Variants in SPATC1 observed in about 807,000 individuals in gnomAD.
SPATC1 encodes the protein spermatogenesis and centriole associated 1.
Under a neutral mutation model 36.5 loss-of-function variants are expected in SPATC1, and 35 were observed. The observed-to-expected ratio is 0.96, with a 90% CI of 0.73 to 1.27. The LOEUF is 1.27. SPATC1 is among the 50% of genes most tolerant of loss of function. The probability of loss-of-function intolerance (pLI) is 0.00; values close to 1 mark genes in which losing one functional copy is unlikely to be tolerated. For missense variants in SPATC1, 779 were observed against 796.0 expected (o/e 0.98, Z 0.26); for synonymous variants, 361 against 353.6 (o/e 1.02, Z -0.24).
intron 1 of SPATC1, among the ~76,000 whole-genome samples, chr8:144,020,093 C>T (rs1031608308): frequency 3.3e-5 from 5 of 151,148 alleles, no homozygotes; most frequent in Non-Finnish European, 5.9e-5. Flanking sequence ...CGTCAATACC[C>T]CACAAGACTC....
intron 1 of SPATC1, among the ~76,000 whole-genome samples, chr8:144,028,274 A>G (rs1022052611): frequency 5.9e-5 from 9 of 152,288 alleles, no homozygotes; most frequent in African/African-American, 2.2e-4. Flanking sequence ...CAGACAACCT[A>G]TAGAATGGGA....
chr8:144,041,873 C>A, intron 4 of SPATC1: 1 of 830,824 alleles, frequency 1.2e-6, no homozygotes, highest in Non-Finnish European at 1.5e-6. Flanking sequence ...CTGTGTGTAG[C>A]CTAAGCGGGA....
At chr8:144,036,780 A>G (rs1394176086) in intron 1 of SPATC1, among the ~76,000 whole-genome samples, 3 of 152,114 alleles carry the variant, frequency 2.0e-5, no homozygotes, top group Non-Finnish European at 4.4e-5. Flanking sequence ...ATTTCCAGGA[A>G]AAAAATCAAT....
chr8:144,046,043 C>T lies in SPATC1; in HGVS notation c.1447-584C>T, dbSNP rs142133557. On this transcript the variant is annotated intron_variant, in intron 4 of 4. Transcript: ENST00000377470. The surrounding 1 kb of genome is among the most constrained non-coding windows in gnomAD (Gnocchi z 6.6). ...AGGCCCAGGAGGACGCAGATGGAGACAGGCCCCTCAGCGCTGGGGCCAACA... is the reference window on the plus strand; with the variant it reads ...AGGCCCAGGAGGACGCAGATGGAGATAGGCCCCTCAGCGCTGGGGCCAACA... Among the ~76,000 whole-genome samples, 6 of 152,296 alleles carry T rather than the reference C, an allele frequency of 3.9e-5. No homozygotes were observed. The highest frequency in any genetic ancestry group is 1.9e-4 in the East Asian group (1 of 5,178).
rs1834303014 is a variant in SPATC1, at chr8:144,012,693, GCAA to G, written c.181_183del (p.Thr61del). 1 of 1,551,570 alleles carries G rather than the reference GCAA, an allele frequency of 6.4e-7. No individual in the cohort carries two copies. Among genetic ancestry groups the G allele is most frequent in the South Asian group, 1.2e-5 (1 of 84,066 alleles). On this transcript the variant is annotated inframe_deletion, in exon 1 of 5. Coordinates refer to ENST00000377470, the MANE Select transcript of SPATC1 (RefSeq NM_198572.3). ...CGGGTTCACGAGTGGGCTTGGTGAG[GCAA>G]CAGCAGGCCTTTCCTCACGCCAGAA...
At chr8:144,027,174 A>G (rs1424891255) in intron 1 of SPATC1, among the ~76,000 whole-genome samples, 1 of 151,744 alleles carries the variant, frequency 6.6e-6, no homozygotes, top group East Asian at 1.9e-4. Flanking sequence ...AGGTCTCACT[A>G]TGTTGCCCAG....
At chr8:144,041,760 G>A (rs1835108018) in intron 4 of SPATC1, among the ~76,000 whole-genome samples, 3 of 152,302 alleles carry the variant, frequency 2.0e-5, no homozygotes, top group East Asian at 1.9e-4. Context: ...CAGGGAGGGC[G>A]GCTGCATCCC....
At chr8:144,012,818 G>A (rs1587481137) in intron 1 of SPATC1, 92 bp downstream of exon 1, 1 of 1,345,336 alleles carries the variant, frequency 7.4e-7, no homozygotes, top group Non-Finnish European at 1.0e-6. Flanking sequence ...AGGAGGTCAT[G>A]GAGGGAGTGC....
intron 1 of SPATC1, among the ~76,000 whole-genome samples, chr8:144,021,288 C>CT (rs1587493775): frequency 5.4e-5 from 8 of 147,798 alleles, no homozygotes; most frequent in Admixed American, 6.7e-5. Flanking sequence ...TCAGGTCCCT[C>CT]TCCCCTCAGG....
Position 144,045,983 on chromosome 8 carries a change from A to C in SPATC1, c.1447-644A>C, listed in dbSNP as rs1161611314. On this transcript the variant is annotated intron_variant, in intron 4 of 4. Transcript: ENST00000377470. The surrounding 1 kb of genome is among the most constrained non-coding windows in gnomAD (Gnocchi z 5.2). ...TGAGGAAGTGAGTGGAAACTGACCC[A>C]GATGTGCTGGTTCCCAGGCCCTGGC... Among the ~76,000 whole-genome samples the C allele has an allele frequency of 3.9e-5, 6 of 152,170 alleles. No homozygotes were observed. The highest frequency in any genetic ancestry group is 1.4e-4 in the African/African-American group (6 of 41,442).
intron 1 of SPATC1, among the ~76,000 whole-genome samples, chr8:144,019,041 C>CAAAAAAA (rs1212175839): frequency 1.8e-5 from 1 of 56,368 alleles, no homozygotes; most frequent in Non-Finnish European, 3.7e-5. Flanking sequence ...GACTCCGTCT[C>CAAAAAAA]AAAAAAAAAA....
intron 1 of SPATC1, among the ~76,000 whole-genome samples, chr8:144,036,804 G>C (rs1198932592): frequency 6.6e-6 from 1 of 151,926 alleles, no homozygotes; most frequent in Non-Finnish European, 1.5e-5. Context: ...CAAGACTTAC[G>C]TAATAGGGTG....
intron 4 of SPATC1, among the ~76,000 whole-genome samples, chr8:144,043,432 C>G (rs1477957067): frequency 6.6e-6 from 1 of 152,156 alleles, no homozygotes; most frequent in Non-Finnish European, 1.5e-5. Flanking sequence ...CAGGCACACA[C>G]CACCAGGCCC....
rs1288521388 is a variant in SPATC1 at position 144,040,125 on chromosome 8, G to A, written c.428G>A (p.Ser143Asn). 2 of 1,609,794 alleles carry A rather than the reference G, an allele frequency of 1.2e-6. No individual in the cohort carries two copies. Among genetic ancestry groups the A allele is most frequent in the African/African-American group, 2.7e-5 (2 of 74,834 alleles). ...QSSPLTSFLT[S>N]PIAGPLTGTL... ...AGCCCCCTCACCAGCTTCCTGACCAGTCCCATTGCGGGACCCCTAACAGGC... is the reference window on the plus strand; with the variant it reads ...AGCCCCCTCACCAGCTTCCTGACCAATCCCATTGCGGGACCCCTAACAGGC... The change falls in exon 2 of 5, where the codon AGT (serine) becomes AAT (asparagine). Residue 143 changes from serine (S) to asparagine (N), a missense_variant. Coordinates refer to ENST00000377470, the MANE Select transcript of SPATC1 (RefSeq NM_198572.3).
At chr8:144,039,367 G>A (rs782335648) in intron 1 of SPATC1, among the ~76,000 whole-genome samples, 2 of 152,236 alleles carry the variant, frequency 1.3e-5, no homozygotes, top group African/African-American at 2.4e-5. Flanking sequence ...AAGCCCCACA[G>A]GGCAGGGACC....
intron 1 of SPATC1, among the ~76,000 whole-genome samples, chr8:144,035,828 T>C (rs1206655228): frequency 2.0e-5 from 3 of 152,234 alleles, no homozygotes; most frequent in African/African-American, 7.2e-5. Context: ...CAGTGGCCCC[T>C]GACTGCCTCT....
chr8:144,023,645 TTCTTCCCTC>T (rs1834600731), intron 1 of SPATC1, among the ~76,000 whole-genome samples: 2 of 38,196 alleles, frequency 5.2e-5, no homozygotes, highest in Non-Finnish European at 1.0e-4. Context: ...CCTGAGGAAC[TTCTTCCCTC>T]AGGACCCTCT....
At chr8:144,015,635 G>A (rs1370089351) in intron 1 of SPATC1, among the ~76,000 whole-genome samples, 2 of 150,698 alleles carry the variant, frequency 1.3e-5, no homozygotes, top group African/African-American at 2.4e-5. Context: ...CCAGCTACTC[G>A]GGAGTCTGAG....
chr8:144,026,172 A>G (rs1050701431), intron 1 of SPATC1, among the ~76,000 whole-genome samples: 28,149 of 151,968 alleles, frequency 0.19, 3,181 homozygotes, highest in South Asian at 0.34. Flanking sequence ...TCAACATTCC[A>G]TAAGCATGGA....
Sources: allele counts gnomAD v4.1 joint callset (sites outside exome capture counted in the v4.1 genomes callset), GRCh38; gene constraint gnomAD v4.1.1; non-coding constraint Gnocchi (gnomAD v3.1); transcripts MANE v1.5; gene names NCBI Gene and HGNC (gene_info 2026-07-23, HGNC 2026-07-21).